Variants in NSUN7 observed in about 807,000 individuals in gnomAD.
NSUN7 encodes the protein NOP2/Sun RNA methyltransferase family member 7, also known as protein NSUN7.
Under a neutral mutation model 58.5 loss-of-function variants are expected in NSUN7, and 39 were observed. The ratio of observed to expected loss-of-function variants is 0.67; its 90% CI spans 0.52 to 0.87. NSUN7 has a LOEUF of 0.87. Ranked by LOEUF, NSUN7 falls within the 40% of genes least tolerant of loss-of-function variation. NSUN7 has a pLI of 0.00. For missense variants in NSUN7, 765 were observed against 844.1 expected (o/e 0.91, Z 1.16); for synonymous variants, 278 against 303.7 (o/e 0.92, Z 0.88).
chr4:40,770,326 A>G (rs1411415686), intron 4 of NSUN7, among the ~76,000 whole-genome samples: 2 of 152,174 alleles, frequency 1.3e-5, no homozygotes, highest in Non-Finnish European at 1.5e-5. Flanking sequence ...GAACATACTT[A>G]CACAAATCTA....
intron 7 of NSUN7, among the ~76,000 whole-genome samples, chr4:40,788,750 C>A (rs999360179): frequency 6.6e-5 from 10 of 152,170 alleles, no homozygotes; most frequent in African/African-American, 2.4e-4. Context: ...TTCTCAGAGA[C>A]CTGAATCTCA....
At chr4:40,788,800 T>TG (rs1742951140) in intron 7 of NSUN7, among the ~76,000 whole-genome samples, 1 of 152,014 alleles carries the variant, frequency 6.6e-6, no homozygotes, top group Non-Finnish European at 1.5e-5. Context: ...GGCAGGGAGG[T>TG]GCTCTGCTGA....
At chr4:40,767,532 T>C (rs1334747251) in intron 4 of NSUN7, among the ~76,000 whole-genome samples, 1 of 152,170 alleles carries the variant, frequency 6.6e-6, no homozygotes, top group African/African-American at 2.4e-5. Context: ...ATAGGTGTGG[T>C]GTGGTGCTGA....
intron 7 of NSUN7, among the ~76,000 whole-genome samples, chr4:40,778,497 C>T (rs778125899): frequency 1.4e-4 from 21 of 152,288 alleles, no homozygotes; most frequent in Admixed American, 2.6e-4. Context: ...AGTGCCGTTA[C>T]GAAGGGGACC....
rs1284143312 is a variant in NSUN7, at chr4:40,780,804, TATATATA to T, written c.1036+4546_1036+4552del. ...ACACACACATACACATATATATATA[TATATATA>T]TATTTTTTTTTTTTTTTTTTTTTTT... On this transcript the variant is annotated intron_variant, in intron 7 of 11. Coordinates refer to ENST00000381782, the MANE Select transcript of NSUN7 (RefSeq NM_024677.6). Among the ~76,000 whole-genome samples the T allele has an allele frequency of 1.1e-3, 111 of 98,026 alleles. 2 individuals are homozygous for T. Among genetic ancestry groups the T allele is most frequent in the Non-Finnish European group, 1.6e-3 (76 of 48,954 alleles). 64.3% of individuals were successfully genotyped at this position (98,026 alleles called of 152,430 possible).
intron 3 of NSUN7, 72 bp from the exon 4 acceptor site, chr4:40,761,099 G>T: frequency 8.4e-7 from 1 of 1,197,016 alleles, no homozygotes; most frequent in East Asian, 2.6e-5. Context: ...TAATGGAATG[G>T]AATGGAATGG....
intron 4 of NSUN7, among the ~76,000 whole-genome samples, chr4:40,770,226 A>G (rs996641326): frequency 9.9e-5 from 15 of 152,032 alleles, no homozygotes; most frequent in Middle Eastern, 3.4e-3. Flanking sequence ...AAAAAAAAAA[A>G]AAAGAAATTG....
chr4:40,807,770 G>A (rs1743872697), intron 11 of NSUN7, among the ~76,000 whole-genome samples: 1 of 152,090 alleles, frequency 6.6e-6, no homozygotes, highest in Non-Finnish European at 1.5e-5. Flanking sequence ...AGCCAGGCAT[G>A]GGGGCTCAAG....
rs76368722 is a variant in NSUN7, at chr4:40,751,155, A to T, written c.298+164A>T. The stretch of plus-strand genomic sequence containing the variant: ...CAAGTGTCAAGGAATTAGGGTTCCC[A>T]TGAAACTAGCTCTTCCAGCCCAGGA... On this transcript the variant is annotated intron_variant, in intron 2 of 11. Coordinates refer to ENST00000381782, the MANE Select transcript of NSUN7 (RefSeq NM_024677.6). 2.0e-5 allele frequency among the ~76,000 whole-genome samples: 3 copies of T among 152,340 alleles called. No homozygotes were observed. The East Asian group carries it at 5.8e-4, about 29-fold the overall frequency.
intron 7 of NSUN7, among the ~76,000 whole-genome samples, chr4:40,782,429 G>C (rs767938305): frequency 6.6e-6 from 1 of 151,724 alleles, no homozygotes; most frequent in South Asian, 2.1e-4. Flanking sequence ...TTAGCCAGGC[G>C]TGGTGGCTTA....
Position 40,776,177 on chromosome 4 carries a change from C to T in NSUN7, c.954C>T (p.Thr318=). Residue 318 remains threonine, a synonymous_variant, in exon 7 of 12, where the codon ACC becomes ACT. Coordinates refer to ENST00000381782, the MANE Select transcript of NSUN7 (RefSeq NM_024677.6). ...SHMSILTNNN[T]SKVFVCGVQS... The stretch of plus-strand genomic sequence containing the variant: ...TGTCAATTTTAACAAATAATAATAC[C>T]TCAAAAGTATTTGTGTGTGGAGTAC... 3 of 1,612,334 alleles carry T rather than the reference C, an allele frequency of 1.9e-6. No homozygotes were observed. Among genetic ancestry groups the T allele is most frequent in the Non-Finnish European group, 1.7e-6 (2 of 1,179,044 alleles).
At chr4:40,752,871 CCTTTT>C (rs1740908333) in intron 2 of NSUN7, among the ~76,000 whole-genome samples, 2 of 9,186 alleles carry the variant, frequency 2.2e-4, no homozygotes, top group Admixed American at 3.5e-3. Flanking sequence ...TTTTTCTTTT[CCTTTT>C]AAGTCCGTCT....
At chr4:40,758,680 A>G (rs1186212713) in intron 2 of NSUN7, among the ~76,000 whole-genome samples, 4 of 151,958 alleles carry the variant, frequency 2.6e-5, no homozygotes, top group Non-Finnish European at 4.4e-5. Context: ...CAAAGATAAT[A>G]TTTTAAAAAA....
intron 8 of NSUN7, among the ~76,000 whole-genome samples, chr4:40,793,842 ATT>A (rs1167663167): frequency 6.6e-6 from 1 of 152,242 alleles, no homozygotes; most frequent in Non-Finnish European, 1.5e-5. Flanking sequence ...CAATACATAT[ATT>A]TAAATTATTT....
chr4:40,773,977 T>C (rs1169123764), intron 4 of NSUN7, among the ~76,000 whole-genome samples: 1 of 152,076 alleles, frequency 6.6e-6, no homozygotes, highest in Non-Finnish European at 1.5e-5. Context: ...TTTGTATTTT[T>C]AGTAGAGATG....
At chr4:40,752,132 A>G (rs80152035) in intron 2 of NSUN7, among the ~76,000 whole-genome samples, 40,233 of 152,194 alleles carry the variant, frequency 0.26, 5,551 homozygotes, top group Middle Eastern at 0.35. Flanking sequence ...TCCAAAAAGA[A>G]GTTCCAGAAA....
chr4:40,785,701 A>T (rs538685329), intron 7 of NSUN7, among the ~76,000 whole-genome samples: 11 of 152,334 alleles, frequency 7.2e-5, no homozygotes, highest in Non-Finnish European at 1.2e-4. Context: ...TTTATCAGTT[A>T]TAAAAGAAAT....
chr4:40,761,786 T>TCTA (rs1179783952), intron 4 of NSUN7, among the ~76,000 whole-genome samples: 1 of 152,196 alleles, frequency 6.6e-6, no homozygotes, highest in Non-Finnish European at 1.5e-5. Flanking sequence ...TCAGTAGAAG[T>TCTA]CTACCATGAG....
At chr4:40,761,623 T>C (rs771361262) in intron 4 of NSUN7, among the ~76,000 whole-genome samples, 4 of 152,190 alleles carry the variant, frequency 2.6e-5, no homozygotes, top group Non-Finnish European at 2.9e-5. Flanking sequence ...ACTTTATTTA[T>C]AGCTTTGTAA....
Sources: allele counts gnomAD v4.1 joint callset (sites outside exome capture counted in the v4.1 genomes callset), GRCh38; gene constraint gnomAD v4.1.1; transcripts MANE v1.5; gene names NCBI Gene and HGNC (gene_info 2026-07-23, HGNC 2026-07-21).